Variants in NRDE2 observed in about 807,000 individuals in gnomAD.
NRDE2 encodes NRDE-2, necessary for RNA interference, domain containing.
In NRDE2, 76 loss-of-function variants were observed where a neutral mutation model predicts 124.2. The ratio of observed to expected loss-of-function variants is 0.61; its 90% CI spans 0.51 to 0.74. The LOEUF (loss-of-function observed/expected upper bound fraction) is 0.74. Ranked by LOEUF, NRDE2 falls within the 30% of genes least tolerant of loss-of-function variation. The pLI is 0.00. For missense variants in NRDE2, 1,314 were observed against 1,417.3 expected (o/e 0.93, Z 1.17); for synonymous variants, 489 against 528.1 (o/e 0.93, Z 1.01).
In NRDE2 at chr14:90,273,183, G is replaced by T. The variant is rs1891713369; in HGVS notation, c.*5153C>A. ...TTCCCTTGACAGGTGGCCTGGTGTG[G>T]GTTGTAGGGCCCACACTGAATGAGG... On this transcript the variant is annotated 3_prime_UTR_variant, in exon 14 of 14. Coordinates refer to ENST00000354366, the MANE Select transcript of NRDE2 (RefSeq NM_017970.4). 6.6e-6 allele frequency: 1 copy of T among 152,178 alleles called. No homozygotes were observed. Among genetic ancestry groups the T allele is most frequent in the African/African-American group, 2.4e-5 (1 of 41,428 alleles). The allele number at this position is 152,178 out of a possible 1,614,324, so 9.4% of individuals were successfully genotyped here. A position where few individuals can be genotyped will look rare whatever the true frequency, so the allele number is the denominator to read the frequency against.
At chr14:90,282,737 G>A (rs957820011) in intron 12 of NRDE2, among the ~76,000 whole-genome samples, 6 of 151,728 alleles carry the variant, frequency 4.0e-5, no homozygotes, top group Non-Finnish European at 7.4e-5. Context: ...GCGCGATCTC[G>A]GCTCACCGCA....
chr14:90,286,409 C>A lies in NRDE2; in HGVS notation c.3242G>T (p.Arg1081Leu), dbSNP rs528197535. 3 of 1,614,172 alleles carry A rather than the reference C, an allele frequency of 1.9e-6. No individual in the cohort carries two copies. The highest frequency in any genetic ancestry group is 2.2e-5 in the East Asian group (1 of 44,868). The change falls in exon 12 of 14, where the codon CGC becomes CTC. Residue 1081 changes from arginine (R) to leucine (L), a missense_variant. Transcript: ENST00000354366. Reference protein sequence around the residue: ...RIQALFENAMRSDSGSQCPLL... With the variant: ...RIQALFENAMLSDSGSQCPLL... ...GGGGCACTGGCTGCCACTGTCGCTG[C>A]GCATGGCATTTTCAAACAGGGCTTG... is the stretch of plus-strand genomic sequence containing the variant.
rs1236481733 is a variant in NRDE2 at position 90,289,018 on chromosome 14, T to C, written c.2357A>G (p.Tyr786Cys). 2 of 1,614,200 alleles carry C rather than the reference T, an allele frequency of 1.2e-6. No individual in the cohort carries two copies. The highest frequency in any genetic ancestry group is 1.7e-6 in the Non-Finnish European group (2 of 1,179,996). Residue 786 changes from tyrosine (Y) to cysteine (C), a missense_variant, in exon 11 of 14, where the codon TAT (tyrosine) becomes TGT (cysteine). Transcript: ENST00000354366. ...GCCAAGCAACCACTCCAGATGTGCATACTGCTTCCACAGGCAAAAGTTGTT... is the reference window on the plus strand; with the variant it reads ...GCCAAGCAACCACTCCAGATGTGCACACTGCTTCCACAGGCAAAAGTTGTT... ...NCNNFCLWKQ[Y>C]AHLEWLLGNT...
intron 11 of NRDE2, among the ~76,000 whole-genome samples, 179 bp downstream of exon 11, chr14:90,288,038 C>CT (rs1437953059): frequency 6.6e-6 from 1 of 152,232 alleles, no homozygotes; most frequent in Admixed American, 6.5e-5. Flanking sequence ...GGCGCCGCTA[C>CT]TTTGTGTCTC....
chr14:90,296,132 T>C (rs1172165944), intron 8 of NRDE2, among the ~76,000 whole-genome samples: 1 of 152,196 alleles, frequency 6.6e-6, no homozygotes, highest in Non-Finnish European at 1.5e-5. Context: ...ATACTATGCA[T>C]TGTAATGGGC....
At position 90,268,362 on chromosome 14, in the gene NRDE2, A is replaced by G; in HGVS notation, c.*9974T>C. The G allele has an allele frequency of 2.5e-6, 4 of 1,613,834 alleles. No individual in the cohort carries two copies. Among genetic ancestry groups the G allele is most frequent in the Non-Finnish European group, 3.4e-6 (4 of 1,179,850 alleles). On this transcript the variant is annotated 3_prime_UTR_variant, in exon 14 of 14. Coordinates refer to ENST00000354366, the MANE Select transcript of NRDE2 (RefSeq NM_017970.4). ...GAATTGTTCCGAGTTGCTGAAGAAC[A>G]TGCACCGTCCATCGTGTTTATTGAT...
chr14:90,315,898 G>A (rs1212122627), intron 3 of NRDE2, among the ~76,000 whole-genome samples: 1 of 149,614 alleles, frequency 6.7e-6, no homozygotes, highest in East Asian at 2.0e-4. Flanking sequence ...TAAAGGTTGT[G>A]GTGAGCTGAG....
Position 90,306,556 on chromosome 14 carries a change from A to G in NRDE2, c.558-2174T>C, listed in dbSNP as rs181465293. Among the ~76,000 whole-genome samples the G allele has an allele frequency of 2.8e-3, 421 of 152,330 alleles. 1 individual carries two copies. The highest frequency in any genetic ancestry group is 6.8e-3 in the Middle Eastern group (2 of 294). ...CCGGGTGTGGTGGCTTATGCCTGTA[A>G]TCCCAGCACTTTGGGAGGCTGAGGC... On this transcript the variant is annotated intron_variant, in intron 4 of 13. Coordinates refer to ENST00000354366, the MANE Select transcript of NRDE2 (RefSeq NM_017970.4).
intron 7 of NRDE2, among the ~76,000 whole-genome samples, chr14:90,298,858 G>A (rs762517765): frequency 1.3e-5 from 2 of 152,062 alleles, no homozygotes; most frequent in Admixed American, 1.3e-4. Flanking sequence ...AAGTCATGCC[G>A]CTTTCAAGAT....
At position 90,267,950 on chromosome 14, in the gene NRDE2, A is replaced by T; in HGVS notation, c.*10386T>A. ...CAGCTTTTCAGGGGAAACTGGGTCAAGGTTGGAAAATAACCAAGTAAAAAG... is the reference window on the plus strand; with the variant it reads ...CAGCTTTTCAGGGGAAACTGGGTCATGGTTGGAAAATAACCAAGTAAAAAG... On this transcript the variant is annotated 3_prime_UTR_variant, in exon 14 of 14. Transcript: ENST00000354366. 3.1e-6 allele frequency: 1 copy of T among 323,154 alleles called. No individual in the cohort carries two copies. The allele number at this position is 323,154 out of a possible 1,614,324, so 20.0% of individuals were successfully genotyped here.
Position 90,268,361 on chromosome 14 carries a change from C to T in NRDE2, c.*9975G>A. ...GGAATTGTTCCGAGTTGCTGAAGAA[C>T]ATGCACCGTCCATCGTGTTTATTGA... On this transcript the variant is annotated 3_prime_UTR_variant, in exon 14 of 14. Coordinates refer to ENST00000354366, the MANE Select transcript of NRDE2 (RefSeq NM_017970.4). The T allele has an allele frequency of 6.2e-7, 1 of 1,613,798 alleles. No homozygotes were observed. The highest frequency in any genetic ancestry group is 1.3e-5 in the African/African-American group (1 of 75,022).
chr14:90,283,005 C>T (rs941431314), intron 12 of NRDE2, among the ~76,000 whole-genome samples: 2 of 152,160 alleles, frequency 1.3e-5, no homozygotes, highest in African/African-American at 2.4e-5. Flanking sequence ...CACGTATATG[C>T]ACATGTACAC....
rs2139652291 is a variant in NRDE2 at position 90,270,642 on chromosome 14, T to C, written c.*7694A>G. 3.6e-6 allele frequency: 1 copy of C among 274,460 alleles called. No individual in the cohort carries two copies. Among genetic ancestry groups the C allele is most frequent in the East Asian group, 7.0e-5 (1 of 14,384 alleles). 17.0% of individuals were successfully genotyped at this position (274,460 alleles called of 1,614,324 possible). On this transcript the variant is annotated 3_prime_UTR_variant, in exon 14 of 14. Coordinates refer to ENST00000354366, the MANE Select transcript of NRDE2 (RefSeq NM_017970.4). ...TTTCTCAAGGTGTGTCAAATGTAGC[T>C]GCTCAGTCCCAGGTCAGGGGAAGGG...
rs1023356949 is a variant in NRDE2 at position 90,316,720 on chromosome 14, T to G, written c.265A>C (p.Lys89Gln). The G allele has an allele frequency of 6.2e-6, 10 of 1,613,748 alleles. No individual in the cohort carries two copies. Among genetic ancestry groups the G allele is most frequent in the Non-Finnish European group, 8.5e-6 (10 of 1,180,012 alleles). ...SRKKKKEKKK[K>Q]RKHQHHKKTK... is the part of the protein sequence containing the mutation. ...TTCTTATGATGCTGATGCTTCCTTT[T>G]TTTCTTTTTCTCTTTCTTCTTTTTT... The change falls in exon 3 of 14, where the codon AAA becomes CAA. Residue 89 changes from lysine to glutamine, a missense_variant. Lys to Gln is a moderately conservative substitution (Grantham distance 53). Transcript: ENST00000354366.
At chr14:90,298,835 G>A (rs957165228) in intron 7 of NRDE2, among the ~76,000 whole-genome samples, 8 of 152,144 alleles carry the variant, frequency 5.3e-5, no homozygotes, top group South Asian at 4.1e-4. Flanking sequence ...CTGGACCCCC[G>A]AGCTAATTCC....
At chr14:90,323,705 A>G (rs1885320320) in intron 1 of NRDE2, among the ~76,000 whole-genome samples, 1 of 152,190 alleles carries the variant, frequency 6.6e-6, no homozygotes, top group Admixed American at 6.5e-5. Context: ...CATGGAGTTA[A>G]CCTACAATTT....
intron 4 of NRDE2, among the ~76,000 whole-genome samples, chr14:90,307,492 G>A (rs1258763615): frequency 1.3e-5 from 2 of 152,126 alleles, no homozygotes; most frequent in African/African-American, 2.4e-5. Context: ...TTGAGAGGCC[G>A]AGGTGGGTGG....
In NRDE2 at chr14:90,331,865, G is replaced by T; in HGVS notation, c.40C>A (p.Pro14Thr). ...FPAFAGLSEA[P>T]DGGSSRKELD... ...CCTTTCCTGGAGCTCCCGCCATCGG[G>T]AGCCTCACTAAGCCCCGCAAAGGCT... is the stretch of plus-strand genomic sequence containing the variant. Residue 14 changes from proline (P) to threonine (T), a missense_variant, in exon 1 of 14, where the codon CCC becomes ACC. Transcript: ENST00000354366. 6.2e-7 allele frequency: 1 copy of T among 1,614,138 alleles called. No homozygotes were observed. Among genetic ancestry groups the T allele is most frequent in the Admixed American group, 1.7e-5 (1 of 60,030 alleles).
At chr14:90,287,154 T>G (rs997891114) in intron 11 of NRDE2, among the ~76,000 whole-genome samples, 14 of 148,706 alleles carry the variant, frequency 9.4e-5, no homozygotes, top group Non-Finnish European at 2.1e-4. Context: ...AAAGCAAGGC[T>G]CACATAGAGT....
Sources: gnomAD v4.1 joint callset for allele counts (sites outside exome capture counted in the v4.1 genomes callset) on GRCh38, gnomAD v4.1.1 for gene constraint, MANE v1.5 for transcripts, NCBI Gene and HGNC (gene_info 2026-07-23, HGNC 2026-07-21) for gene names.